Variants in SNAPC5 observed in about 807,000 individuals in gnomAD.
SNAPC5 encodes snRNA-activating protein complex subunit 5.
SNAPC5 carries 12 observed loss-of-function variants against 9.1 expected under a neutral mutation model. The ratio of observed to expected loss-of-function variants is 1.32; its 90% confidence interval spans 0.85 to 2.15. The LOEUF (loss-of-function observed/expected upper bound fraction) is 2.15. Ranked by LOEUF, SNAPC5 falls within the 30% of genes most tolerant of loss-of-function variation. The pLI, the probability that SNAPC5 is intolerant of heterozygous loss-of-function variation, is 0.00. For synonymous variants in SNAPC5, 52 were observed against 47.3 expected, an observed-to-expected ratio of 1.10 and a Z score of -0.41; for missense variants, 132 against 114.4, an observed-to-expected ratio of 1.15 and a Z score of -0.70.
downstream of SNAPC5, among the ~76,000 whole-genome samples, chr15:66,492,860 C>T (rs934726282): frequency 6.6e-6 from 1 of 152,178 alleles, no homozygotes; most frequent in South Asian, 2.1e-4. Flanking sequence ...ATGTGAGTAT[C>T]TTCACCTTAC....
At position 66,495,421 on chromosome 15, in the gene SNAPC5, TAGAAA is replaced by T. The variant is rs764437250; in HGVS notation, c.91-7_91-3del. On this transcript the variant is annotated splice_region_variant and splice_polypyrimidine_tract_variant and intron_variant, in intron 1 of 2. Coordinates refer to ENST00000316634, the MANE Select transcript of SNAPC5 (RefSeq NM_001329615.2). ...TGATTGGAGGGCTAATTCTTCAACC[TAGAAA>T]AGAAGAGTTGAGGACACTTTTCCTT... 1.9e-5 allele frequency: 30 copies of T among 1,571,588 alleles called. No homozygotes were observed. In the South Asian group the frequency reaches 3.2e-4, roughly 17 times the overall value.
chr15:66,497,621 A>C (rs760765955), intron 1 of SNAPC5, 21 bp downstream of exon 1: 1 of 1,609,344 alleles, frequency 6.2e-7, no homozygotes, highest in Non-Finnish European at 8.5e-7. Flanking sequence ...GAGGAGGGGC[A>C]GGAGAGGGCC....
chr15:66,492,648 C>A (rs570422234), downstream of SNAPC5, among the ~76,000 whole-genome samples: 4 of 152,040 alleles, frequency 2.6e-5, no homozygotes, highest in African/African-American at 9.7e-5. Context: ...AAACCTAGAT[C>A]TGACCACTTT....
chr15:66,491,854 G>A (rs1893268355), downstream of SNAPC5: 1 of 421,688 alleles, frequency 2.4e-6, no homozygotes, highest in African/African-American at 2.1e-5. Context: ...TGGGGGACTG[G>A]GAGCAAATCT....
At chr15:66,489,912 C>A, downstream of SNAPC5, 1 of 755,140 alleles carries the variant, frequency 1.3e-6, no homozygotes. Context: ...AAACACCAGT[C>A]TCCTTTGCTC....
downstream of SNAPC5, chr15:66,490,597 C>G: frequency 6.2e-7 from 1 of 1,614,050 alleles, no homozygotes; most frequent in South Asian, 1.1e-5. Context: ...GCACACCAAC[C>G]CATGCTGCTG....
At chr15:66,497,412 C>T (rs1207740486) in intron 1 of SNAPC5, 1 of 606,376 alleles carries the variant, frequency 1.6e-6, no homozygotes, top group East Asian at 2.8e-5. Context: ...CTGAGCCTCA[C>T]CCTAGACTTG....
At chr15:66,497,422 G>C in intron 1 of SNAPC5, 2 of 608,722 alleles carry the variant, frequency 3.3e-6, no homozygotes, top group South Asian at 1.9e-5. Flanking sequence ...CCCTAGACTT[G>C]CGAGGTCACG....
chr15:66,492,925 G>A (rs1321015612), downstream of SNAPC5, among the ~76,000 whole-genome samples: 2 of 152,152 alleles, frequency 1.3e-5, no homozygotes, highest in Non-Finnish European at 2.9e-5. Context: ...GTTTGTGGTA[G>A]AGCTGGAATT....
chr15:66,494,822 G>A (rs1567030802), intron 2 of SNAPC5: 1 of 398,198 alleles, frequency 2.5e-6, no homozygotes, highest in Non-Finnish European at 4.5e-6. Context: ...ATGTGCTGCT[G>A]TATCATGGTT....
chr15:66,494,448 T>C lies in SNAPC5; in HGVS notation c.285A>G (p.Glu95=). 1 of 1,610,948 alleles carries C rather than the reference T, an allele frequency of 6.2e-7. No homozygotes were observed. The highest frequency in any genetic ancestry group is 2.2e-5 in the East Asian group (1 of 44,864). Residue 95 remains glutamate, a synonymous_variant, in exon 3 of 3, where the codon GAA becomes GAG. Coordinates refer to ENST00000316634, the MANE Select transcript of SNAPC5 (RefSeq NM_001329615.2). ...CTTTCCCCCTCCTTTAGGAATCTGATTCTTCTTCCTCTTCCTCCTCCTCCT... is the reference window on the plus strand; with the variant it reads ...CTTTCCCCCTCCTTTAGGAATCTGACTCTTCTTCCTCTTCCTCCTCCTCCT... ...TEEEEEEEEE[E]SDS
At chr15:66,489,834 C>CAAT, downstream of SNAPC5, 1 of 1,281,892 alleles carries the variant, frequency 7.8e-7, no homozygotes, top group East Asian at 2.3e-5. Context: ...GTCATCTGTG[C>CAAT]AGTACTTCCA....
At chr15:66,493,227 AAATT>A (rs1893315218), downstream of SNAPC5, among the ~76,000 whole-genome samples, 1 of 152,226 alleles carries the variant, frequency 6.6e-6, no homozygotes, top group African/African-American at 2.4e-5. Context: ...TGGGCAGGGG[AAATT>A]AATTTTATAA....
downstream of SNAPC5, chr15:66,491,265 A>G: frequency 4.2e-6 from 1 of 236,970 alleles, no homozygotes; most frequent in Non-Finnish European, 8.3e-6. Flanking sequence ...TTCTATATTT[A>G]TTTTCAGTAT....
intron 1 of SNAPC5, among the ~76,000 whole-genome samples, chr15:66,497,330 A>C (rs1286793753): frequency 1.3e-5 from 2 of 152,172 alleles, no homozygotes; most frequent in Admixed American, 1.3e-4. Flanking sequence ...GCACTTCCTC[A>C]GCGTGCTGTC....
chr15:66,490,469 T>C (rs1453328610), downstream of SNAPC5: 10 of 1,477,542 alleles, frequency 6.8e-6, no homozygotes, highest in Non-Finnish European at 8.5e-6. Context: ...TGTTTCTTTT[T>C]AACACCACGT....
At chr15:66,490,034 T>C, downstream of SNAPC5, 4 of 575,076 alleles carry the variant, frequency 7.0e-6, no homozygotes, top group Admixed American at 3.0e-5. Context: ...ACCCCCTTCA[T>C]GGGGATGCGG....
At position 66,497,661 on chromosome 15, in the gene SNAPC5, T is replaced by G; in HGVS notation, c.71A>C (p.Asp24Ala). ...TLLRLKAALH[D>A]QLNRLKVEEL... is the part of the protein sequence containing the mutation. ...GGTCACCTTGAGGCGGTTCAGCTGG[T>G]CGTGCAGGGCTGCCTTCAACCGCAG... Residue 24 changes from aspartate (D) to alanine (A), a missense_variant, in exon 1 of 3, where the codon GAC (aspartate) becomes GCC (alanine). Coordinates refer to ENST00000316634, the MANE Select transcript of SNAPC5 (RefSeq NM_001329615.2). 6.2e-7 allele frequency: 1 copy of G among 1,614,080 alleles called. No homozygotes were observed. Among genetic ancestry groups the G allele is most frequent in the Non-Finnish European group, 8.5e-7 (1 of 1,179,988 alleles).
downstream of SNAPC5, chr15:66,490,054 A>G (rs764950109): frequency 3.6e-5 from 20 of 558,270 alleles, no homozygotes; most frequent in Non-Finnish European, 1.6e-5. Flanking sequence ...GCCTTTCCCT[A>G]ATACTGACTG....
Sources: gnomAD v4.1 joint callset for allele counts (sites outside exome capture counted in the v4.1 genomes callset) on GRCh38, gnomAD v4.1.1 for gene constraint, MANE v1.5 for transcripts, NCBI Gene and HGNC (gene_info 2026-07-23, HGNC 2026-07-21) for gene names.